The following CDH4 variants were observed in gnomAD, a reference collection of about 807,000 sequenced individuals.
The protein encoded by CDH4 is cadherin-4.
A neutral mutation model predicts 86.0 loss-of-function variants in CDH4; 33 were observed. That is an observed-to-expected ratio of 0.38 (90% CI 0.29 to 0.51). The LOEUF is 0.51. Ranked by LOEUF, CDH4 falls within the 20% of genes least tolerant of loss-of-function variation. The pLI is 0.86. For synonymous variants in CDH4, 555 were observed against 549.4 expected, an observed-to-expected ratio of 1.01 and a Z score of -0.14; for missense variants, 1,114 against 1,307.4, an observed-to-expected ratio of 0.85 and a Z score of 2.28.
At chr20:61,485,961 ACAAT>A (rs2145583657) in intron 2 of CDH4, among the ~76,000 whole-genome samples, 2 of 152,328 alleles carry the variant, frequency 1.3e-5, no homozygotes, top group East Asian at 3.9e-4. Flanking sequence ...GTCGAGACCA[ACAAT>A]CTGATGAGTG....
chr20:61,589,981 G>A (rs566404505), intron 2 of CDH4, among the ~76,000 whole-genome samples: 12 of 152,106 alleles, frequency 7.9e-5, no homozygotes, highest in Admixed American at 2.0e-4. Context: ...GGAAGCAGCC[G>A]TGCCCAGCTG....
rs145445009 is a variant in CDH4 at position 61,686,778 on chromosome 20, T to C, written c.170-56785T>C. Among the ~76,000 whole-genome samples, 27 of 152,274 alleles carry C rather than the reference T, an allele frequency of 1.8e-4. 1 individual carries two copies. The East Asian group carries it at 5.2e-3, about 29-fold the overall frequency. On this transcript the variant is annotated intron_variant, in intron 2 of 15. Transcript: ENST00000614565. ...ATATGTGCGTGTGCATTCGCGCGTG[T>C]GTGTGTGCATGTGTGCATGTCCACT... is the stretch of plus-strand genomic sequence containing the variant.
At chr20:61,255,659 G>A (rs1229586353) in intron 2 of CDH4, among the ~76,000 whole-genome samples, 2 of 152,234 alleles carry the variant, frequency 1.3e-5, no homozygotes, top group African/African-American at 4.8e-5. Flanking sequence ...ATTTCAAAGC[G>A]ATAGAGGAAG....
chr20:61,877,380 C>G (rs993530787), intron 7 of CDH4, among the ~76,000 whole-genome samples: 1 of 141,676 alleles, frequency 7.1e-6, no homozygotes, highest in Non-Finnish European at 1.6e-5. Context: ...CCCCACCCCC[C>G]GCTGTCGGCA....
intron 2 of CDH4, among the ~76,000 whole-genome samples, chr20:61,537,884 C>G (rs144262268): frequency 6.6e-6 from 1 of 152,180 alleles, no homozygotes; most frequent in Non-Finnish European, 1.5e-5. Context: ...CCGAGCGAGT[C>G]GGCTGCGTGG....
At chr20:61,875,517 C>T (rs1044081806) in intron 7 of CDH4, among the ~76,000 whole-genome samples, 8 of 152,180 alleles carry the variant, frequency 5.3e-5, no homozygotes, top group South Asian at 4.1e-4. Flanking sequence ...GAGATGGAGT[C>T]GTGTGGCAGG....
rs533923115 is a variant in CDH4 at position 61,671,702 on chromosome 20, G to T, written c.170-71861G>T. On this transcript the variant is annotated intron_variant, in intron 2 of 15. Transcript: ENST00000614565. The stretch of plus-strand genomic sequence containing the variant: ...GGATGGATGGGTGGGTGGGTGGATA[G>T]ATGGTAGATGGATAAATGAATGGAT... Among the ~76,000 whole-genome samples, 17 of 151,122 alleles carry T rather than the reference G, an allele frequency of 1.1e-4. No homozygotes were observed. The East Asian group carries it at 3.2e-3, about 28-fold the overall frequency.
At chr20:61,791,132 T>C (rs1979175523) in intron 4 of CDH4, among the ~76,000 whole-genome samples, 1 of 152,196 alleles carries the variant, frequency 6.6e-6, no homozygotes. Flanking sequence ...GCGTCATGAG[T>C]TGCTGTCCTT....
At chr20:61,311,931 G>A (rs957920150) in intron 2 of CDH4, among the ~76,000 whole-genome samples, 1 of 152,272 alleles carries the variant, frequency 6.6e-6, no homozygotes, top group East Asian at 1.9e-4. Context: ...TCCTGTGCCC[G>A]AGCCTGTGAG....
At chr20:61,794,625 A>G (rs1235158636) in intron 4 of CDH4, among the ~76,000 whole-genome samples, 1 of 152,218 alleles carries the variant, frequency 6.6e-6, no homozygotes, top group Non-Finnish European at 1.5e-5. Context: ...ATGGGTGGGC[A>G]CCCACAGCTT....
rs943220248 is a variant in CDH4, at chr20:61,544,570, G to A, written c.170-198993G>A. Among the ~76,000 whole-genome samples, 115 of 151,748 alleles carry A rather than the reference G, an allele frequency of 7.6e-4. 2 individuals carry two copies. Among genetic ancestry groups the A allele is most frequent in the Non-Finnish European group, 1.9e-4 (13 of 67,960 alleles). ...AAGCAGAGACGGTGACGGGATCCCT[G>A]CGTTGACGGTGGCATGACCGTGTGT... On this transcript the variant is annotated intron_variant, in intron 2 of 15. Transcript: ENST00000614565. The surrounding 1 kb of genome is among the most constrained non-coding windows in gnomAD (Gnocchi z 6.5).
intron 7 of CDH4, among the ~76,000 whole-genome samples, chr20:61,887,913 C>G (rs561467407): frequency 6.6e-6 from 1 of 152,332 alleles, no homozygotes; most frequent in South Asian, 2.1e-4. Flanking sequence ...CCGAGGGGGG[C>G]CGGTGCAGGC....
At chr20:61,636,804 C>T (rs1486084307) in intron 2 of CDH4, among the ~76,000 whole-genome samples, 1 of 152,232 alleles carries the variant, frequency 6.6e-6, no homozygotes, top group Non-Finnish European at 1.5e-5. Context: ...GCCCAGGAAG[C>T]CTCCACAGGG....
At chr20:61,361,885 A>G (rs1018863877) in intron 2 of CDH4, among the ~76,000 whole-genome samples, 3 of 152,276 alleles carry the variant, frequency 2.0e-5, no homozygotes, top group South Asian at 4.1e-4. Context: ...GACCCAGGGG[A>G]TCAGCTTCCT....
At position 61,676,307 on chromosome 20, in the gene CDH4, G is replaced by A. The variant is rs1044407669; in HGVS notation, c.170-67256G>A. ...CTTTATAAAACTCAGGTTAGGAAAT[G>A]AATAGTGCGATTGAATACTGCGGCC... On this transcript the variant is annotated intron_variant, in intron 2 of 15. Transcript: ENST00000614565. The surrounding 1 kb of genome is among the most constrained non-coding windows in gnomAD (Gnocchi z 4.5). 3.3e-5 allele frequency among the ~76,000 whole-genome samples: 5 copies of A among 152,218 alleles called. No individual in the cohort carries two copies. The highest frequency in any genetic ancestry group is 9.6e-5 in the African/African-American group (4 of 41,458).
chr20:61,570,751 C>T (rs1297008886), intron 2 of CDH4: 1 of 702,328 alleles, frequency 1.4e-6, no homozygotes, highest in Admixed American at 2.0e-5. Context: ...GAGGTAAGAT[C>T]CTTGAGCCAC....
intron 2 of CDH4, among the ~76,000 whole-genome samples, chr20:61,629,730 G>A (rs887344364): frequency 6.6e-6 from 1 of 152,194 alleles, no homozygotes; most frequent in African/African-American, 2.4e-5. Flanking sequence ...CCCTGTCCCT[G>A]CCAAAAACTG....
intron 2 of CDH4, among the ~76,000 whole-genome samples, chr20:61,656,218 CGGGCAGGCGCG>C: frequency 9.1e-6 from 1 of 109,304 alleles, no homozygotes; most frequent in Non-Finnish European, 1.9e-5. Context: ...CATGCTGAGG[CGGGCAGGCGCG>C]TGCTGGGGTG....
chr20:61,733,125 G>C (rs1370600514), intron 2 of CDH4, among the ~76,000 whole-genome samples: 1 of 152,088 alleles, frequency 6.6e-6, no homozygotes, highest in South Asian at 2.1e-4. Flanking sequence ...GTCAGGGGAG[G>C]GTGGGAAAGA....
Sources: gnomAD v4.1 joint callset for allele counts (sites outside exome capture counted in the v4.1 genomes callset) on GRCh38, gnomAD v4.1.1 for gene constraint, Gnocchi (gnomAD v3.1) non-coding constraint, MANE v1.5 for transcripts, NCBI Gene and HGNC (gene_info 2026-07-23, HGNC 2026-07-21) for gene names.